The following CDC23 variants were observed in gnomAD, a reference collection of about 807,000 sequenced individuals.
The protein encoded by CDC23 is cell division cycle protein 23 homolog.
A neutral mutation model predicts 81.7 loss-of-function variants in CDC23; 26 were observed. The observed-to-expected ratio is 0.32, with a 90% CI of 0.23 to 0.44. CDC23 has a LOEUF of 0.44. CDC23 is among the 20% of genes least tolerant of loss of function. CDC23 has a pLI of 1.00. For synonymous variants in CDC23, 267 were observed against 270.8 expected, an observed-to-expected ratio of 0.99 and a Z score of 0.14; for missense variants, 519 against 728.0, an observed-to-expected ratio of 0.71 and a Z score of 3.30.
intron 9 of CDC23, among the ~76,000 whole-genome samples, chr5:138,195,616 T>TATATAA (rs1293702617): frequency 8.5e-6 from 1 of 117,840 alleles, no homozygotes; most frequent in African/African-American, 3.3e-5. Flanking sequence ...GATATATTTA[T>TATATAA]ATATAAATAT....
At chr5:138,194,552 G>A (rs919018744) in intron 9 of CDC23, among the ~76,000 whole-genome samples, 12 of 152,162 alleles carry the variant, frequency 7.9e-5, no homozygotes, top group African/African-American at 2.7e-4. Flanking sequence ...GAATGGGACT[G>A]ACTGCAAATA....
rs140207881 is a variant in CDC23 at position 138,192,340 on chromosome 5, G to A, written c.1215C>T (p.Leu405=). The A allele has an allele frequency of 1.8e-5, 29 of 1,614,032 alleles. No homozygotes were observed. The highest frequency in any genetic ancestry group is 1.3e-4 in the Admixed American group (8 of 60,010). ...TCTTAAGGATTTCATAGGTCTGCCC[G>A]AGGCCATACCAAGCTCTGTAGTCCC... ...NKRDYRAWYG[L]GQTYEILKMP... is the part of the protein sequence containing the mutation. Residue 405 remains leucine (L), a synonymous_variant, in exon 11 of 16, where the codon CTC becomes CTT. Coordinates refer to ENST00000394886, the MANE Select transcript of CDC23 (RefSeq NM_004661.4).
At position 138,188,933 on chromosome 5, in the gene CDC23, T is replaced by A. The variant is rs1318834396; in HGVS notation, c.*45A>T. On this transcript the variant is annotated 3_prime_UTR_variant, in exon 16 of 16. Coordinates refer to ENST00000394886, the MANE Select transcript of CDC23 (RefSeq NM_004661.4). ...GCTGTTCTTTACATGGAGGTAAGGC[T>A]TAATTAAGATGGGTCTAACAATGTG... The A allele has an allele frequency of 6.3e-7, 1 of 1,586,994 alleles. No individual in the cohort carries two copies. The highest frequency in any genetic ancestry group is 8.6e-7 in the Non-Finnish European group (1 of 1,163,182).
intron 2 of CDC23, among the ~76,000 whole-genome samples, chr5:138,207,220 A>G (rs565598433): frequency 2.7e-4 from 41 of 152,302 alleles, no homozygotes; most frequent in Non-Finnish European, 5.1e-4. Flanking sequence ...AAAAATGGAG[A>G]AAAAAGAAAA....
At chr5:138,202,360 T>C (rs1213210552) in intron 3 of CDC23, among the ~76,000 whole-genome samples, 18 of 152,166 alleles carry the variant, frequency 1.2e-4, no homozygotes, top group Non-Finnish European at 2.9e-5. Context: ...CTCAGCTCAC[T>C]GCAACCTCTG....
intron 9 of CDC23, among the ~76,000 whole-genome samples, chr5:138,197,744 C>T (rs141629489): frequency 0.019 from 2,949 of 151,884 alleles, 213 homozygotes; most frequent in African/African-American, 0.067. Flanking sequence ...ATCTGCCTGC[C>T]CTGGCATCCC....
intron 9 of CDC23, among the ~76,000 whole-genome samples, chr5:138,195,788 ATTTT>A (rs1366070757): frequency 7.0e-5 from 8 of 113,830 alleles, no homozygotes; most frequent in Non-Finnish European, 1.1e-4. Flanking sequence ...ATATACATAT[ATTTT>A]ATATATGTGT....
At chr5:138,189,261 TG>T in intron 15 of CDC23, 113 bp from the exon 16 acceptor site, 2 of 1,016,492 alleles carry the variant, frequency 2.0e-6, no homozygotes, top group Admixed American at 2.6e-5. Flanking sequence ...GAGGCTTGCT[TG>T]TTTTTTTTTT....
In CDC23 at chr5:138,202,159, T is replaced by C. The variant is rs757611995; in HGVS notation, c.373-4A>G. On this transcript the variant is annotated splice_region_variant and splice_polypyrimidine_tract_variant and intron_variant, in intron 3 of 15. Transcript: ENST00000394886. ...CGTCCTTCTTTTTTTCTCCAGACTG[T>C]AAGAGAAAATCAACAAATAGGTCTT... 1.2e-6 allele frequency: 2 copies of C among 1,605,726 alleles called. No homozygotes were observed. The highest frequency in any genetic ancestry group is 2.7e-5 in the African/African-American group (2 of 74,572).
At chr5:138,195,599 T>TATATATATAA in intron 9 of CDC23, among the ~76,000 whole-genome samples, 1 of 77,418 alleles carries the variant, frequency 1.3e-5, no homozygotes, top group South Asian at 5.5e-4. Context: ...TAATATATAT[T>TATATATATAA]ATATATGATA....
chr5:138,213,152 C>T lies in CDC23; in HGVS notation c.161G>A (p.Trp54Ter). The T allele has an allele frequency of 6.2e-7, 1 of 1,614,180 alleles. No homozygotes were observed. The change falls in exon 1 of 16, where the codon TGG (tryptophan) becomes TAG (stop). Residue 54 changes from tryptophan to a stop codon, truncating the protein, a stop_gained and splice_region_variant. Coordinates refer to ENST00000394886, the MANE Select transcript of CDC23 (RefSeq NM_004661.4). LOFTEE classifies it high-confidence loss of function. ...GTCCCTTCCCACTCCAACATCTCACCATTTGCTACTGTGTAGTAGGCCCCG... is the reference window on the plus strand; with the variant it reads ...GTCCCTTCCCACTCCAACATCTCACTATTTGCTACTGTGTAGTAGGCCCCG... ...RERGLLHSSK[W>*]SAELAFSLPA...
Position 138,187,968 on chromosome 5 carries a change from C to T in CDC23, c.*1010G>A, listed in dbSNP as rs1368354831. ...AGCTCAGAATGATCCATAGCATCTA[C>T]TGTGCAAATATATTACAGCAGACAT... On this transcript the variant is annotated 3_prime_UTR_variant, in exon 16 of 16. Coordinates refer to ENST00000394886, the MANE Select transcript of CDC23 (RefSeq NM_004661.4). 1 of 156,800 alleles carries T rather than the reference C, an allele frequency of 6.4e-6. No individual in the cohort carries two copies. The highest frequency in any genetic ancestry group is 2.4e-5 in the African/African-American group (1 of 41,468). The allele number at this position is 156,800 out of a possible 1,614,324, so 9.7% of individuals were successfully genotyped here. A position where few individuals can be genotyped will look rare whatever the true frequency, so the allele number is the denominator to read the frequency against.
At position 138,191,917 on chromosome 5, in the gene CDC23, A is replaced by C. The variant is rs940815228; in HGVS notation, c.1307T>G (p.Leu436Arg). 1.2e-6 allele frequency: 2 copies of C among 1,614,192 alleles called. No individual in the cohort carries two copies. The highest frequency in any genetic ancestry group is 1.7e-6 in the Non-Finnish European group (2 of 1,180,010). Residue 436 changes from leucine (L) to arginine (R), a missense_variant, in exon 12 of 16, where the codon CTG becomes CGG. Leu to Arg is a moderately radical substitution (Grantham distance 102). Around this residue, in one of 4 missense-constraint regions of CDC23, gnomAD observed 175 missense variants for 337.8 expected, o/e 0.52. Coordinates refer to ENST00000394886, the MANE Select transcript of CDC23 (RefSeq NM_004661.4). ...HQLRPNDSRM[L>R]VALGECYEKL... ...CTCGTAACATTCTCCTAAAGCAACCAGCATGCGAGAATCATTGGGTCTGAG... is the reference window on the plus strand; with the variant it reads ...CTCGTAACATTCTCCTAAAGCAACCCGCATGCGAGAATCATTGGGTCTGAG...
chr5:138,189,647 A>G lies in CDC23; in HGVS notation c.1609T>C (p.Cys537Arg). ...DEASTCAQKC[C>R]AFNDTREEGK... ...CTGATACTCACATCATTAAATGCAC[A>G]ACACTTTTGTGCACAAGTTGAAGCT... Residue 537 changes from cysteine (C) to arginine (R), a missense_variant, in exon 15 of 16, where the codon TGT (cysteine) becomes CGT (arginine). Physicochemically the swap from Cys to Arg is radical, Grantham distance 180 (BLOSUM62 -3). Around this residue, in one of 4 missense-constraint regions of CDC23, gnomAD observed 175 missense variants for 337.8 expected, o/e 0.52. Coordinates refer to ENST00000394886, the MANE Select transcript of CDC23 (RefSeq NM_004661.4). 6.2e-7 allele frequency: 1 copy of G among 1,613,504 alleles called. No individual in the cohort carries two copies.
Position 138,198,539 on chromosome 5 carries a change from A to G in CDC23, c.833-16T>C, listed in dbSNP as rs771537176. 29 of 1,613,234 alleles carry G rather than the reference A, an allele frequency of 1.8e-5. No homozygotes were observed. The highest frequency in any genetic ancestry group is 3.3e-5 in the Admixed American group (2 of 59,998). On this transcript the variant is annotated splice_polypyrimidine_tract_variant and intron_variant, in intron 7 of 15. Coordinates refer to ENST00000394886, the MANE Select transcript of CDC23 (RefSeq NM_004661.4). ...TTGTCAATATCTGCAGAAAGAAGAT[A>G]GTTCAGAAAACAGCACAATGCACCT...
At chr5:138,200,068 A>T (rs528357650) in intron 6 of CDC23, among the ~76,000 whole-genome samples, 1 of 152,336 alleles carries the variant, frequency 6.6e-6, no homozygotes, top group East Asian at 1.9e-4. Flanking sequence ...TTTAATAAGC[A>T]AATTTCTGAA....
chr5:138,192,719 A>C, intron 9 of CDC23, 62 bp from the exon 10 acceptor site: 1 of 1,472,418 alleles, frequency 6.8e-7, no homozygotes, highest in South Asian at 1.3e-5. Context: ...GTCCATTAAA[A>C]TAGATAGCAT....
chr5:138,198,356 T>C, intron 8 of CDC23, 70 bp downstream of exon 8: 1 of 1,579,342 alleles, frequency 6.3e-7, no homozygotes, highest in Non-Finnish European at 8.7e-7. Flanking sequence ...CTAATACAAG[T>C]GGGTGACAAT....
chr5:138,204,088 C>T (rs1377574986), intron 3 of CDC23, among the ~76,000 whole-genome samples: 1 of 152,148 alleles, frequency 6.6e-6, no homozygotes, highest in African/African-American at 2.4e-5. Context: ...ATGATATCTG[C>T]AACTTATTCT....
Sources: allele counts gnomAD v4.1 joint callset (sites outside exome capture counted in the v4.1 genomes callset), GRCh38; gene constraint gnomAD v4.1.1; regional missense constraint gnomAD v4.1.1; transcripts MANE v1.5; gene names NCBI Gene and HGNC (gene_info 2026-07-23, HGNC 2026-07-21).